RFX4: variants seen among roughly 807,000 people sequenced by gnomAD.
RFX4 encodes transcription factor RFX4.
A neutral mutation model predicts 95.0 loss-of-function variants in RFX4; 10 were observed. That is an observed-to-expected ratio of 0.11 (90% CI 0.06 to 0.18). The LOEUF is 0.18. Among genes scored for constraint, RFX4 ranks in the 10% least tolerant of loss-of-function variants. The probability of loss-of-function intolerance (pLI) is 1.00; values close to 1 mark genes in which losing one functional copy is unlikely to be tolerated. For synonymous variants in RFX4, 321 were observed against 340.7 expected (o/e 0.94, Z 0.64); for missense variants, 640 against 922.0 (o/e 0.69, Z 3.96).
At position 106,720,996 on chromosome 12, in the gene RFX4, C is replaced by G. The variant is rs2042386389; in HGVS notation, c.1351+120C>G. The G allele has an allele frequency of 1.3e-6, 1 of 792,916 alleles. No homozygotes were observed. The highest frequency in any genetic ancestry group is 2.1e-6 in the Non-Finnish European group (1 of 469,316). The allele number at this position is 792,916 out of a possible 1,614,324, so 49.1% of individuals were successfully genotyped here. ...AAGGTCATCACCCTGAAACACATCT[C>G]TTCTGGGGAGACATGACATTGTTAG... On this transcript the variant is annotated intron_variant, in intron 13 of 17. Transcript: ENST00000392842. This position sits in a 1 kb window ranked among gnomAD's most constrained non-coding sequence, Gnocchi z 4.2.
intron 3 of RFX4, among the ~76,000 whole-genome samples, chr12:106,644,825 T>C (rs2040710001): frequency 6.6e-6 from 1 of 152,230 alleles, no homozygotes; most frequent in African/African-American, 2.4e-5. Flanking sequence ...GAGGCATTTA[T>C]GTCCTTCATG....
intron 2 of RFX4, among the ~76,000 whole-genome samples, chr12:106,610,191 T>C (rs1206230925): frequency 6.8e-6 from 1 of 146,500 alleles, no homozygotes; most frequent in Non-Finnish European, 1.5e-5. Context: ...TGAGCCAAGA[T>C]TGTGCCACTG....
intron 15 of RFX4, among the ~76,000 whole-genome samples, chr12:106,738,531 G>A (rs142875596): frequency 6.6e-6 from 1 of 152,182 alleles, no homozygotes; most frequent in Non-Finnish European, 1.5e-5. Context: ...ATGTGTTCAA[G>A]AGCCATAAAC....
intron 5 of RFX4, chr12:106,682,327 T>G (rs893652448): frequency 1.0e-5 from 5 of 491,882 alleles, no homozygotes; most frequent in African/African-American, 9.6e-5. Flanking sequence ...TAAAATAGTC[T>G]TGGGCATCAT....
chr12:106,684,775 GCT>G, intron 5 of RFX4: 3 of 1,488,498 alleles, frequency 2.0e-6, no homozygotes, highest in South Asian at 2.4e-5. Flanking sequence ...GGCAGACTTC[GCT>G]CAGCACAAAG....
In RFX4 at chr12:106,761,689, C is replaced by T. The variant is rs1176320420; in HGVS notation, c.*220C>T. 1 of 215,592 alleles carries T rather than the reference C, an allele frequency of 4.6e-6. No individual in the cohort carries two copies. The highest frequency in any genetic ancestry group is 8.7e-6 in the Non-Finnish European group (1 of 115,010). The allele number at this position is 215,592 out of a possible 1,614,324, so 13.4% of individuals were successfully genotyped here. A position where few individuals can be genotyped will look rare whatever the true frequency, so the allele number is the denominator to read the frequency against. On this transcript the variant is annotated 3_prime_UTR_variant, in exon 18 of 18. Coordinates refer to ENST00000392842, the MANE Select transcript of RFX4 (RefSeq NM_213594.3). ...ACTAAAAGTCAGTGGGACTGGGTTT[C>T]TGTAGCCAAGCCAGACTTGACTGTT...
chr12:106,684,572 T>G, intron 5 of RFX4: 1 of 658,286 alleles, frequency 1.5e-6, no homozygotes, highest in Non-Finnish European at 2.4e-6. Flanking sequence ...AGTGGTCTGG[T>G]CTGAACATAT....
chr12:106,704,142 A>G (rs1443106980), intron 8 of RFX4, among the ~76,000 whole-genome samples: 3 of 151,468 alleles, frequency 2.0e-5, no homozygotes, highest in Admixed American at 2.0e-4. Flanking sequence ...AATAGTCAGG[A>G]CTCGAATATT....
rs1184315143 is a variant in RFX4 at position 106,703,953 on chromosome 12, C to G, written c.834-5377C>G. Among the ~76,000 whole-genome samples the G allele has an allele frequency of 2.7e-5, 4 of 150,658 alleles. No individual in the cohort carries two copies. In the East Asian group the frequency reaches 8.0e-4, roughly 30 times the overall value. ...TGGTGGCAGGCACCTGTAATCCCAGCTACTTGGGTGGCTGAGGCACAAGAA... is the reference window on the plus strand; with the variant it reads ...TGGTGGCAGGCACCTGTAATCCCAGGTACTTGGGTGGCTGAGGCACAAGAA... On this transcript the variant is annotated intron_variant, in intron 8 of 17. Coordinates refer to ENST00000392842, the MANE Select transcript of RFX4 (RefSeq NM_213594.3).
chr12:106,671,987 T>C (rs938963281), intron 4 of RFX4, among the ~76,000 whole-genome samples: 14 of 152,124 alleles, frequency 9.2e-5, no homozygotes, highest in Admixed American at 3.3e-4. Context: ...TAAGACAAAA[T>C]GTACTACCGA....
chr12:106,592,628 C>G (rs1414360667), intron 1 of RFX4, among the ~76,000 whole-genome samples: 4 of 151,896 alleles, frequency 2.6e-5, no homozygotes, highest in Non-Finnish European at 4.4e-5. Flanking sequence ...CACCCCAGCC[C>G]CCTCAACCAC....
intron 16 of RFX4, 113 bp from the exon 17 acceptor site, chr12:106,750,542 A>T: frequency 8.9e-7 from 1 of 1,119,984 alleles, no homozygotes; most frequent in Non-Finnish European, 1.2e-6. Flanking sequence ...GGAAGAAAAG[A>T]AAAGAGAAAA....
rs186691363 is a variant in RFX4 at position 106,588,555 on chromosome 12, C to A, written c.43+5192C>A. Among the ~76,000 whole-genome samples, 3 of 152,310 alleles carry A rather than the reference C, an allele frequency of 2.0e-5. No homozygotes were observed. In the East Asian group the frequency reaches 5.8e-4, roughly 29 times the overall value. ...GCATCCCTCCTGATGACAATCTGGG[C>A]AAAGGAGCCCTTCTCCTTTCCCTGA... is the stretch of plus-strand genomic sequence containing the variant. On this transcript the variant is annotated intron_variant, in intron 1 of 17. Transcript: ENST00000392842.
intron 4 of RFX4, among the ~76,000 whole-genome samples, chr12:106,657,678 A>C (rs951654984): frequency 1.3e-5 from 2 of 152,286 alleles, no homozygotes; most frequent in African/African-American, 4.8e-5. Flanking sequence ...TTTAGACAGG[A>C]ATAATCCCTC....
At chr12:106,722,154 C>G (rs1477232027) in intron 13 of RFX4, among the ~76,000 whole-genome samples, 1 of 152,212 alleles carries the variant, frequency 6.6e-6, no homozygotes, top group Non-Finnish European at 1.5e-5. Flanking sequence ...TTAGTGTTAG[C>G]ACATGTTACC....
At chr12:106,707,158 G>T (rs186121919) in intron 8 of RFX4, among the ~76,000 whole-genome samples, 2 of 152,150 alleles carry the variant, frequency 1.3e-5, no homozygotes, top group Non-Finnish European at 2.9e-5. Context: ...CTGTCTTGGG[G>T]TATGTTTGAA....
intron 4 of RFX4, chr12:106,681,285 G>A (rs969192162): frequency 6.6e-6 from 1 of 152,258 alleles, no homozygotes; most frequent in African/African-American, 2.4e-5. Context: ...CAAGCAGGAG[G>A]AGACATAAAC....
rs2041239781 is a variant in RFX4, at chr12:106,669,483, T to C, written c.316-12510T>C. 2.0e-5 allele frequency among the ~76,000 whole-genome samples: 3 copies of C among 152,164 alleles called. No homozygotes were observed. In the South Asian group the frequency reaches 6.2e-4, roughly 32 times the overall value. On this transcript the variant is annotated intron_variant, in intron 4 of 17. Coordinates refer to ENST00000392842, the MANE Select transcript of RFX4 (RefSeq NM_213594.3). ...ATGGGGAAAAAAGCCAAGTGTGTTC[T>C]GGGGACCTGTGCTTCATCAGCTGCA...
chr12:106,752,850 C>T (rs1373908331), intron 17 of RFX4, among the ~76,000 whole-genome samples: 1 of 152,098 alleles, frequency 6.6e-6, no homozygotes, highest in Non-Finnish European at 1.5e-5. Context: ...CACCGCTGGA[C>T]ACTCTACCTG....
Sources: gnomAD v4.1 joint callset for allele counts (sites outside exome capture counted in the v4.1 genomes callset) on GRCh38, gnomAD v4.1.1 for gene constraint, Gnocchi (gnomAD v3.1) non-coding constraint, MANE v1.5 for transcripts, NCBI Gene and HGNC (gene_info 2026-07-23, HGNC 2026-07-21) for gene names.